PPP3CB: variants seen among roughly 807,000 people sequenced by gnomAD.
The protein encoded by PPP3CB is serine/threonine-protein phosphatase 2B catalytic subunit beta isoform.
PPP3CB carries 8 observed loss-of-function variants against 66.4 expected under a neutral mutation model. That is an observed-to-expected ratio of 0.12 (90% CI 0.07 to 0.22). PPP3CB has a LOEUF of 0.22. Ranked by LOEUF, PPP3CB falls within the 10% of genes least tolerant of loss-of-function variation. The pLI, the probability that PPP3CB is intolerant of heterozygous loss-of-function variation, is 1.00. For synonymous variants in PPP3CB, 208 were observed against 221.2 expected (o/e 0.94, Z 0.53); for missense variants, 319 against 642.5 (o/e 0.50, Z 5.44).
chr10:73,453,306 G>A lies in PPP3CB; in HGVS notation c.1186+1106C>T, dbSNP rs530398199. On this transcript the variant is annotated intron_variant, in intron 10 of 13. Coordinates refer to ENST00000360663, the MANE Select transcript of PPP3CB (RefSeq NM_021132.4). ...TCTCCAATAAATTTATTCCAAGGAG[G>A]AAAATAAAAGCTATTATACAAATAT... Among the ~76,000 whole-genome samples the A allele has an allele frequency of 2.0e-5, 3 of 151,604 alleles. No homozygotes were observed. In the East Asian group the frequency reaches 5.8e-4, roughly 29 times the overall value.
chr10:73,493,232 C>T (rs1350547010), intron 1 of PPP3CB, among the ~76,000 whole-genome samples: 1 of 149,372 alleles, frequency 6.7e-6, no homozygotes, highest in Non-Finnish European at 1.5e-5. Context: ...GTAGAGATCG[C>T]GCCACTGCAC....
At position 73,457,966 on chromosome 10, in the gene PPP3CB, T is replaced by C. The variant is rs181969234; in HGVS notation, c.1109-3477A>G. ...TGTGGAATGATAGACAAAGGAGACT[T>C]GGAAGGGTAGAGAGGTGGGAGAGGT... On this transcript the variant is annotated intron_variant, in intron 9 of 13. Coordinates refer to ENST00000360663, the MANE Select transcript of PPP3CB (RefSeq NM_021132.4). 2.0e-4 allele frequency among the ~76,000 whole-genome samples: 31 copies of C among 152,142 alleles called. No homozygotes were observed. In the East Asian group the frequency reaches 4.5e-3, roughly 22 times the overall value.
chr10:73,470,982 T>C lies in PPP3CB; in HGVS notation c.810-18A>G, dbSNP rs199976012. On this transcript the variant is annotated intron_variant, in intron 6 of 13. Transcript: ENST00000360663. ...CTGGATAGCTGTGGGGGAAAAAGAG[T>C]AAATTAAGTAAAATAATGGCTTTTC... The C allele has an allele frequency of 1.9e-4, 305 of 1,609,282 alleles. 1 individual carries two copies. The highest frequency in any genetic ancestry group is 2.4e-4 in the Non-Finnish European group (279 of 1,176,844).
chr10:73,476,414 C>T (rs771355887), intron 3 of PPP3CB, among the ~76,000 whole-genome samples: 1 of 152,052 alleles, frequency 6.6e-6, no homozygotes, highest in Non-Finnish European at 1.5e-5. Context: ...GCCAGGAGTT[C>T]GAGATCAGCT....
chr10:73,488,706 T>C (rs1385802573), intron 1 of PPP3CB, among the ~76,000 whole-genome samples: 1 of 152,188 alleles, frequency 6.6e-6, no homozygotes, highest in African/African-American at 2.4e-5. Flanking sequence ...TTGGGTCTCT[T>C]TTAATTTGTG....
chr10:73,439,714 T>TA (rs1309186879), intron 13 of PPP3CB, among the ~76,000 whole-genome samples, 158 bp downstream of exon 13: 1 of 151,680 alleles, frequency 6.6e-6, no homozygotes, highest in Non-Finnish European at 1.5e-5. Flanking sequence ...AATGAAAAAT[T>TA]AAAAAAAGAG....
In PPP3CB at chr10:73,442,673, A is replaced by G. The variant is rs1001464473; in HGVS notation, c.1366+2052T>C. On this transcript the variant is annotated intron_variant, in intron 12 of 13. Coordinates refer to ENST00000360663, the MANE Select transcript of PPP3CB (RefSeq NM_021132.4). Reference sequence around the variant, plus strand: ...TTCTAATGTTTACAATATAATAAGAAAAATGGAGGGCAAGGAATGTAAAGC... The same window carrying G: ...TTCTAATGTTTACAATATAATAAGAGAAATGGAGGGCAAGGAATGTAAAGC... Among the ~76,000 whole-genome samples, 11 of 151,936 alleles carry G rather than the reference A, an allele frequency of 7.2e-5. 1 individual carries two copies. The highest frequency in any genetic ancestry group is 7.2e-4 in the Admixed American group (11 of 15,262).
chr10:73,495,285 C>A (rs2057172554), intron 1 of PPP3CB, among the ~76,000 whole-genome samples: 1 of 152,218 alleles, frequency 6.6e-6, no homozygotes, highest in South Asian at 2.1e-4. Flanking sequence ...CCGGGTGGCA[C>A]CTGACGGCCA....
chr10:73,457,055 C>A (rs1004602178), intron 9 of PPP3CB, among the ~76,000 whole-genome samples: 1 of 151,512 alleles, frequency 6.6e-6, no homozygotes, highest in Admixed American at 6.6e-5. Flanking sequence ...AAAGCTGTTA[C>A]GATGTATACC....
At chr10:73,446,144 G>A (rs1335536956) in intron 11 of PPP3CB, among the ~76,000 whole-genome samples, 4 of 147,846 alleles carry the variant, frequency 2.7e-5, no homozygotes, top group Admixed American at 2.0e-4. Flanking sequence ...TTGCTCAGTC[G>A]CCCAGTCTGG....
chr10:73,495,115 G>A (rs1246676855), intron 1 of PPP3CB, among the ~76,000 whole-genome samples: 1 of 152,190 alleles, frequency 6.6e-6, no homozygotes, highest in Non-Finnish European at 1.5e-5. Context: ...TTTGACCAAA[G>A]TGTTGATGGT....
At chr10:73,446,652 A>G (rs760816225) in intron 10 of PPP3CB, 79 bp from the exon 11 acceptor site, 21 of 1,340,352 alleles carry the variant, frequency 1.6e-5, no homozygotes, top group Non-Finnish European at 2.0e-5. Flanking sequence ...AGCCTGTTCC[A>G]CACTCATCTA....
intron 1 of PPP3CB, among the ~76,000 whole-genome samples, chr10:73,485,445 C>T: frequency 6.6e-6 from 1 of 152,094 alleles, no homozygotes; most frequent in Non-Finnish European, 1.5e-5. Context: ...CCCTCTTAGC[C>T]CTATGAGGCC....
intron 6 of PPP3CB, 35 bp downstream of exon 6, chr10:73,471,035 C>G (rs1255471035): frequency 6.3e-7 from 1 of 1,598,154 alleles, no homozygotes. Flanking sequence ...ATGTTAACAA[C>G]TAAAATGTGA....
chr10:73,454,109 C>A (rs1252501724), intron 10 of PPP3CB, among the ~76,000 whole-genome samples: 1 of 152,106 alleles, frequency 6.6e-6, no homozygotes, highest in Non-Finnish European at 1.5e-5. Context: ...TTTTCTCTAA[C>A]CAGTGTCCAT....
intron 3 of PPP3CB, chr10:73,477,358 A>G (rs1053432095): frequency 6.8e-6 from 3 of 441,654 alleles, no homozygotes; most frequent in African/African-American, 6.2e-5. Context: ...CATCATTTGT[A>G]AAGAAAAAAA....
chr10:73,463,173 CT>C (rs761208512), intron 9 of PPP3CB, among the ~76,000 whole-genome samples: 8 of 152,108 alleles, frequency 5.3e-5, no homozygotes, highest in African/African-American at 1.2e-4. Context: ...TTAAGTCTCA[CT>C]GATTCTACTT....
At chr10:73,485,549 T>A (rs2056957471) in intron 1 of PPP3CB, among the ~76,000 whole-genome samples, 1 of 152,166 alleles carries the variant, frequency 6.6e-6, no homozygotes, top group Non-Finnish European at 1.5e-5. Context: ...TCATCATGCT[T>A]CCCATCATTG....
chr10:73,485,950 G>GTGTGTGTGTGTGTGTGTATA (rs58404946), intron 1 of PPP3CB, among the ~76,000 whole-genome samples: 1 of 124,638 alleles, frequency 8.0e-6, no homozygotes, highest in East Asian at 3.0e-4. Context: ...GTGTGTGTGT[G>GTGTGTGTGTGTGTGTGTATA]TATTTTTTTT....
Sources: gnomAD v4.1 joint callset for allele counts (sites outside exome capture counted in the v4.1 genomes callset) on GRCh38, gnomAD v4.1.1 for gene constraint, MANE v1.5 for transcripts, NCBI Gene and HGNC (gene_info 2026-07-23, HGNC 2026-07-21) for gene names.